The following TMEM184B variants were observed in gnomAD, a reference collection of about 807,000 sequenced individuals.
The protein encoded by TMEM184B is transmembrane protein 184B.
A neutral mutation model predicts 41.8 loss-of-function variants in TMEM184B; 17 were observed. The observed-to-expected ratio is 0.41, with a 90% CI of 0.28 to 0.61. TMEM184B has a LOEUF of 0.61. Ranked by LOEUF, TMEM184B falls within the 20% of genes least tolerant of loss-of-function variation. The pLI is 0.34. For missense variants in TMEM184B, 393 were observed against 557.8 expected, an observed-to-expected ratio of 0.70 and a Z score of 2.98; for synonymous variants, 240 against 229.5, an observed-to-expected ratio of 1.05 and a Z score of -0.41.
At chr22:38,251,669 G>A (rs1421356549) in intron 1 of TMEM184B, among the ~76,000 whole-genome samples, 3 of 152,164 alleles carry the variant, frequency 2.0e-5, no homozygotes, top group Non-Finnish European at 4.4e-5. Flanking sequence ...GGCACTGACC[G>A]GGAAGCTGCC....
Position 38,247,829 on chromosome 22 carries a change from C to T in TMEM184B, c.133G>A (p.Ala45Thr). Residue 45 changes from alanine to threonine, a missense_variant, in exon 2 of 9, where the codon GCC (alanine) becomes ACC (threonine). By Grantham distance (58) the Ala-to-Thr change is moderately conservative. This residue lies in a region of TMEM184B where 122 missense variants were observed against 123.7 expected (regional missense o/e 0.99). Transcript: ENST00000361906. The part of the protein sequence containing the change: ...MEQPVFLMTT[A>T]AQAISGFFVW... ...AAGAAGCCAGAGATGGCCTGAGCGGCAGTTGTCATCAGGAACACAGGCTGC... is the reference window on the plus strand; with the variant it reads ...AAGAAGCCAGAGATGGCCTGAGCGGTAGTTGTCATCAGGAACACAGGCTGC... 1 of 1,613,960 alleles carries T rather than the reference C, an allele frequency of 6.2e-7. No individual in the cohort carries two copies. The highest frequency in any genetic ancestry group is 1.1e-5 in the South Asian group (1 of 91,028).
rs1296311962 is a variant in TMEM184B, at chr22:38,272,736, C to T, written c.-59+148G>A. On this transcript the variant is annotated intron_variant, in intron 1 of 8. Coordinates refer to ENST00000361906, the MANE Select transcript of TMEM184B (RefSeq NM_012264.5). ...ATGCCCCCTCCCTCCGCGGCCGCAC[C>T]GGCCTCCGTAGTGCCCTCCCCGCCC... 9.1e-6 allele frequency: 9 copies of T among 985,218 alleles called. 1 individual carries two copies. The South Asian group carries it at 3.8e-4, about 41-fold the overall frequency. 61.0% of individuals were successfully genotyped at this position (985,218 alleles called of 1,614,324 possible).
At chr22:38,238,156 T>C (rs2091824519) in intron 3 of TMEM184B, among the ~76,000 whole-genome samples, 2 of 151,850 alleles carry the variant, frequency 1.3e-5, no homozygotes, top group African/African-American at 2.4e-5. Context: ...CTTTCTGCCC[T>C]GAATGCTGTT....
intron 1 of TMEM184B, among the ~76,000 whole-genome samples, chr22:38,249,250 A>G (rs1340767610): frequency 1.3e-5 from 2 of 152,172 alleles, no homozygotes; most frequent in African/African-American, 4.8e-5. Context: ...CCCGGGCTCA[A>G]GAATCCTCCT....
Position 38,225,448 on chromosome 22 carries a change from C to T in TMEM184B, c.763G>A (p.Val255Ile), listed in dbSNP as rs760500418. Residue 255 changes from valine to isoleucine, a missense_variant, in exon 7 of 9, where the codon GTC becomes ATC. Coordinates refer to ENST00000361906, the MANE Select transcript of TMEM184B (RefSeq NM_012264.5). The surrounding 1 kb of genome is among the most constrained non-coding windows in gnomAD (Gnocchi z 4.4). ...CCTTGCCAGAAGGAAAGAAAGATGA[C>T]GGACTTGACCATGAAGAACTTGAGG... The part of the protein sequence containing the change: ...PVLKFFMVKS[V>I]IFLSFWQGML... 5.1e-6 allele frequency: 8 copies of T among 1,570,904 alleles called. No individual in the cohort carries two copies. The highest frequency in any genetic ancestry group is 3.5e-5 in the South Asian group (3 of 85,448).
intron 1 of TMEM184B, chr22:38,272,411 A>G: frequency 1.1e-6 from 1 of 933,372 alleles, no homozygotes. Flanking sequence ...TACACCCTCC[A>G]CTCACGACGC....
At position 38,225,853 on chromosome 22, in the gene TMEM184B, C is replaced by T. The variant is rs1033855247; in HGVS notation, c.618-260G>A. ...TAAGCCCTGGTGCCCACACTCCTAA[C>T]GTTGGACACCAGTGTGGAAGCCAGG... is the stretch of plus-strand genomic sequence containing the variant. On this transcript the variant is annotated intron_variant, in intron 6 of 8. Coordinates refer to ENST00000361906, the MANE Select transcript of TMEM184B (RefSeq NM_012264.5). This position sits in a 1 kb window ranked among gnomAD's most constrained non-coding sequence, Gnocchi z 4.4. Among the ~76,000 whole-genome samples, 4 of 152,184 alleles carry T rather than the reference C, an allele frequency of 2.6e-5. No individual in the cohort carries two copies. Among genetic ancestry groups the T allele is most frequent in the African/African-American group, 7.2e-5 (3 of 41,442 alleles).
chr22:38,226,955 C>A lies in TMEM184B; in HGVS notation c.526-85G>T. ...CCTGCCTCTGGCAGACGGAACTGTACCGGATGGAGGGACAGAGAGGATGAA... is the reference window on the plus strand; with the variant it reads ...CCTGCCTCTGGCAGACGGAACTGTAACGGATGGAGGGACAGAGAGGATGAA... On this transcript the variant is annotated intron_variant, in intron 5 of 8. Transcript: ENST00000361906. The surrounding 1 kb of genome is among the most constrained non-coding windows in gnomAD (Gnocchi z 4.6). 7.4e-7 allele frequency: 1 copy of A among 1,360,368 alleles called. No homozygotes were observed. The allele number at this position is 1,360,368 out of a possible 1,614,324, so 84.3% of individuals were successfully genotyped here. A position where few individuals can be genotyped will look rare whatever the true frequency, so the allele number is the denominator to read the frequency against.
downstream of TMEM184B, among the ~76,000 whole-genome samples, chr22:38,218,225 A>G (rs1569002716): frequency 6.6e-6 from 1 of 152,130 alleles, no homozygotes; most frequent in Non-Finnish European, 1.5e-5. Context: ...CCTCAAACTC[A>G]CTAATTTCAA....
At position 38,220,284 on chromosome 22, in the gene TMEM184B, C is replaced by G. The variant is rs774611776; in HGVS notation, c.*1185G>C. 4.9e-4 allele frequency: 479 copies of G among 985,926 alleles called. No individual in the cohort carries two copies. The highest frequency in any genetic ancestry group is 5.7e-4 in the Non-Finnish European group (473 of 830,126). The allele number at this position is 985,926 out of a possible 1,614,324, so 61.1% of individuals were successfully genotyped here. A position where few individuals can be genotyped will look rare whatever the true frequency, so the allele number is the denominator to read the frequency against. Reference sequence around the variant, plus strand: ...CTGTCCAAGGGCTCTGGGCCCAGCACTGCAGGATCCTGCGAGTGCCAGCAG... The same window carrying G: ...CTGTCCAAGGGCTCTGGGCCCAGCAGTGCAGGATCCTGCGAGTGCCAGCAG... On this transcript the variant is annotated 3_prime_UTR_variant, in exon 9 of 9. Transcript: ENST00000361906.
intron 1 of TMEM184B, among the ~76,000 whole-genome samples, chr22:38,264,033 G>A (rs1429154507): frequency 6.6e-6 from 1 of 152,196 alleles, no homozygotes; most frequent in Non-Finnish European, 1.5e-5. Flanking sequence ...TCGACCTCCT[G>A]ACCTCAAGTT....
intron 2 of TMEM184B, among the ~76,000 whole-genome samples, chr22:38,247,122 T>C (rs978877910): frequency 3.3e-5 from 5 of 152,130 alleles, no homozygotes; most frequent in African/African-American, 1.2e-4. Flanking sequence ...GACGGGAGAC[T>C]TGACTTCTAT....
chr22:38,237,704 C>T (rs575848244), intron 3 of TMEM184B, among the ~76,000 whole-genome samples: 30 of 152,264 alleles, frequency 2.0e-4, no homozygotes, highest in Admixed American at 2.0e-3. Flanking sequence ...CAAGAATGGG[C>T]ACAGTGTGTT....
At position 38,239,819 on chromosome 22, in the gene TMEM184B, T is replaced by C. The variant is rs1047546364; in HGVS notation, c.358+6116A>G. Among the ~76,000 whole-genome samples, 2 of 152,038 alleles carry C rather than the reference T, an allele frequency of 1.3e-5. No homozygotes were observed. The highest frequency in any genetic ancestry group is 4.8e-5 in the African/African-American group (2 of 41,376). On this transcript the variant is annotated intron_variant, in intron 3 of 8. Transcript: ENST00000361906. This position sits in a 1 kb window ranked among gnomAD's most constrained non-coding sequence, Gnocchi z 4.6. ...GTGTTTTGAGGCAGGAGATGAAAAATTATTCTCTACAGAAACAGGTCCCAG... is the reference window on the plus strand; with the variant it reads ...GTGTTTTGAGGCAGGAGATGAAAAACTATTCTCTACAGAAACAGGTCCCAG...
chr22:38,219,103 G>A (rs1047728318), downstream of TMEM184B, among the ~76,000 whole-genome samples: 1 of 152,192 alleles, frequency 6.6e-6, no homozygotes, highest in African/African-American at 2.4e-5. Context: ...TGGAGGTTGG[G>A]GAGACCCTTT....
intron 1 of TMEM184B, among the ~76,000 whole-genome samples, chr22:38,253,286 T>C (rs1010067127): frequency 1.1e-4 from 17 of 151,374 alleles, no homozygotes; most frequent in South Asian, 8.4e-4. Context: ...TAAAACAACA[T>C]TGGTTGGGTG....
chr22:38,255,171 G>C (rs150986143), intron 1 of TMEM184B, among the ~76,000 whole-genome samples: 4 of 152,180 alleles, frequency 2.6e-5, no homozygotes, highest in Admixed American at 2.6e-4. Context: ...GATTATAGGC[G>C]CGTGTCACCA....
intron 1 of TMEM184B, among the ~76,000 whole-genome samples, chr22:38,258,272 T>C (rs147356172): frequency 1.3e-5 from 2 of 151,844 alleles, no homozygotes; most frequent in East Asian, 3.9e-4. Flanking sequence ...TTGGACTAAA[T>C]GGGTTTAAGA....
chr22:38,235,020 C>A (rs1292102521), intron 3 of TMEM184B, among the ~76,000 whole-genome samples: 5 of 152,258 alleles, frequency 3.3e-5, no homozygotes, highest in African/African-American at 1.2e-4. Context: ...TTTTTCCAGA[C>A]TGTAAACTCC....
Sources: allele counts gnomAD v4.1 joint callset (sites outside exome capture counted in the v4.1 genomes callset), GRCh38; gene constraint gnomAD v4.1.1; regional missense constraint gnomAD v4.1.1; non-coding constraint Gnocchi (gnomAD v3.1); transcripts MANE v1.5; gene names NCBI Gene and HGNC (gene_info 2026-07-23, HGNC 2026-07-21).